RALB: variants seen among roughly 807,000 people sequenced by gnomAD.
RALB encodes the protein RAS like proto-oncogene B, also known as ras-related protein Ral-B.
RALB carries 16 observed loss-of-function variants against 21.3 expected under a neutral mutation model. That is an observed-to-expected ratio of 0.75 (90% CI 0.51 to 1.14). The LOEUF (loss-of-function observed/expected upper bound fraction) is 1.14. Ranked by LOEUF, RALB falls within the 50% of genes most tolerant of loss-of-function variation. The pLI is 0.00. For missense variants in RALB, 161 were observed against 256.2 expected, an observed-to-expected ratio of 0.63 and a Z score of 2.54; for synonymous variants, 93 against 96.1, an observed-to-expected ratio of 0.97 and a Z score of 0.19.
intron 1 of RALB, among the ~76,000 whole-genome samples, chr2:120,263,823 C>T (rs1217987396): frequency 6.6e-6 from 1 of 151,814 alleles, no homozygotes; most frequent in Non-Finnish European, 1.5e-5. Flanking sequence ...AGCCACTGCG[C>T]CTGGCCTGTC....
upstream of RALB, among the ~76,000 whole-genome samples, chr2:120,252,571 T>C (rs1689076369): frequency 6.6e-6 from 1 of 152,116 alleles, no homozygotes; most frequent in African/African-American, 2.4e-5. Context: ...GGCGGGCAGC[T>C]CCTCCACTGC....
At chr2:120,262,690 G>A (rs1201218330) in intron 1 of RALB, among the ~76,000 whole-genome samples, 3 of 152,300 alleles carry the variant, frequency 2.0e-5, no homozygotes, top group Admixed American at 1.3e-4. Flanking sequence ...GACACAGCAG[G>A]GAAGAGAAGG....
At chr2:120,276,067 G>A (rs1194353403) in intron 1 of RALB, among the ~76,000 whole-genome samples, 1 of 152,188 alleles carries the variant, frequency 6.6e-6, no homozygotes, top group African/African-American at 2.4e-5. Context: ...TATTATGCAG[G>A]CGAGTCCTCA....
chr2:120,268,693 C>T (rs759317184), intron 1 of RALB, among the ~76,000 whole-genome samples: 1 of 152,114 alleles, frequency 6.6e-6, no homozygotes, highest in African/African-American at 2.4e-5. Flanking sequence ...AATTAAGATC[C>T]ACTCAGTGTT....
chr2:120,286,773 A>G (rs998620997), intron 3 of RALB, among the ~76,000 whole-genome samples: 3 of 152,250 alleles, frequency 2.0e-5, no homozygotes, highest in African/African-American at 7.2e-5. Context: ...GTCACAGTGT[A>G]GACACATGGT....
chr2:120,253,639 C>G lies in RALB; in HGVS notation c.-48+659C>G, dbSNP rs1293335775. 4 of 985,480 alleles carry G rather than the reference C, an allele frequency of 4.1e-6. No homozygotes were observed. In the African/African-American group the frequency reaches 7.0e-5, roughly 17 times the overall value. 61.0% of individuals were successfully genotyped at this position (985,480 alleles called of 1,614,324 possible). On this transcript the variant is annotated intron_variant, in intron 1 of 4. Transcript: ENST00000272519. Reference sequence around the variant, plus strand: ...GTGCTCGGTGCAGGGTTGCGGGGCGCGGAGCTTGCTGCGTCCACACTGCTT... The same window carrying G: ...GTGCTCGGTGCAGGGTTGCGGGGCGGGGAGCTTGCTGCGTCCACACTGCTT...
At chr2:120,268,933 A>G (rs1689575123) in intron 1 of RALB, among the ~76,000 whole-genome samples, 1 of 76,722 alleles carries the variant, frequency 1.3e-5, no homozygotes, top group Admixed American at 1.1e-4. Flanking sequence ...TATATAAACA[A>G]ACAATTTTTT....
chr2:120,271,521 G>A (rs1478890381), intron 1 of RALB, among the ~76,000 whole-genome samples: 1 of 152,158 alleles, frequency 6.6e-6, no homozygotes, highest in African/African-American at 2.4e-5. Flanking sequence ...GTTTTCTCTA[G>A]AATCAAAGTT....
intron 1 of RALB, among the ~76,000 whole-genome samples, chr2:120,269,302 G>C (rs140579896): frequency 6.6e-6 from 1 of 152,138 alleles, no homozygotes; most frequent in African/African-American, 2.4e-5. Flanking sequence ...GCAAACCTTC[G>C]CAGTGAGTGT....
chr2:120,241,131 C>G (rs557678975), intron 1 of RALB, among the ~76,000 whole-genome samples: 6 of 152,328 alleles, frequency 3.9e-5, no homozygotes, highest in African/African-American at 1.4e-4. Flanking sequence ...TGGCGAAAAT[C>G]ATGCACCATG....
intron 4 of RALB, among the ~76,000 whole-genome samples, chr2:120,292,376 C>A (rs1375267039): frequency 1.3e-5 from 2 of 152,152 alleles, no homozygotes; most frequent in African/African-American, 2.4e-5. Flanking sequence ...ACTGCCTCCC[C>A]AGGGTGGCTG....
chr2:120,248,869 C>A (rs1689011460), upstream of RALB, among the ~76,000 whole-genome samples: 1 of 152,022 alleles, frequency 6.6e-6, no homozygotes, highest in Non-Finnish European at 1.5e-5. Context: ...GGGGTCTCGC[C>A]ATGTTGCCCA....
chr2:120,269,438 T>C (rs985722099), intron 1 of RALB, among the ~76,000 whole-genome samples: 132 of 152,206 alleles, frequency 8.7e-4, no homozygotes, highest in Admixed American at 1.8e-3. Context: ...CTGGCTGGGG[T>C]GGCCAGTTTT....
chr2:120,277,702 GGT>G (rs547902944), intron 1 of RALB, among the ~76,000 whole-genome samples: 375 of 151,476 alleles, frequency 2.5e-3, no homozygotes, highest in African/African-American at 8.5e-3. Context: ...TGTGTATGTG[GGT>G]GTGTGTGATA....
At chr2:120,276,068 C>A (rs1481658879) in intron 1 of RALB, among the ~76,000 whole-genome samples, 1 of 152,144 alleles carries the variant, frequency 6.6e-6, no homozygotes, top group Non-Finnish European at 1.5e-5. Context: ...ATTATGCAGG[C>A]GAGTCCTCAG....
rs1690350118 is a variant in RALB at position 120,293,275 on chromosome 2, G to A, written c.*15G>A. Reference sequence around the variant, plus strand: ...GCTTACTATGAGTGTCAAGGTGACGGATGAAGCCAGCTGCTCCTAAGGACA... The same window carrying A: ...GCTTACTATGAGTGTCAAGGTGACGAATGAAGCCAGCTGCTCCTAAGGACA... On this transcript the variant is annotated 3_prime_UTR_variant, in exon 5 of 5. Transcript: ENST00000272519. The A allele has an allele frequency of 8.7e-6, 14 of 1,605,194 alleles. No homozygotes were observed. The highest frequency in any genetic ancestry group is 2.7e-5 in the African/African-American group (2 of 74,446).
chr2:120,279,282 A>G (rs1689924750), intron 2 of RALB, among the ~76,000 whole-genome samples: 2 of 152,176 alleles, frequency 1.3e-5, no homozygotes, highest in African/African-American at 4.8e-5. Flanking sequence ...TGTGGATAAC[A>G]TCACTGGTGT....
chr2:120,278,040 A>T (rs80331802), intron 1 of RALB, among the ~76,000 whole-genome samples: 28 of 80,436 alleles, frequency 3.5e-4, no homozygotes, highest in Admixed American at 1.5e-3. Context: ...TGAGAGCGTG[A>T]GTGTGTGTGA....
chr2:120,292,247 G>A (rs938914106), intron 4 of RALB, among the ~76,000 whole-genome samples: 1 of 152,182 alleles, frequency 6.6e-6, no homozygotes, highest in Non-Finnish European at 1.5e-5. Context: ...TTGAGGGTGG[G>A]GGAGTGTGTG....
Sources: gnomAD v4.1 joint callset for allele counts (sites outside exome capture counted in the v4.1 genomes callset) on GRCh38, gnomAD v4.1.1 for gene constraint, MANE v1.5 for transcripts, NCBI Gene and HGNC (gene_info 2026-07-23, HGNC 2026-07-21) for gene names.